CNBD1: variants seen among roughly 807,000 people sequenced by gnomAD.
CNBD1 encodes the protein cyclic nucleotide-binding domain-containing protein 1.
CNBD1 carries 71 observed loss-of-function variants against 54.4 expected under a neutral mutation model. The ratio of observed to expected loss-of-function variants is 1.30; its 90% CI spans 1.08 to 1.59. The LOEUF (loss-of-function observed/expected upper bound fraction) is 1.59. CNBD1 is among the 40% of genes most tolerant of loss of function. CNBD1 has a pLI of 0.00. For synonymous variants in CNBD1, 182 were observed against 170.7 expected, an observed-to-expected ratio of 1.07 and a Z score of -0.51; for missense variants, 659 against 518.0, an observed-to-expected ratio of 1.27 and a Z score of -2.64.
intron 8 of CNBD1, among the ~76,000 whole-genome samples, chr8:87,307,048 T>C (rs889986411): frequency 2.0e-5 from 3 of 152,036 alleles, no homozygotes; most frequent in Non-Finnish European, 4.4e-5. Context: ...ATCGTAAAAA[T>C]TTGTTTTGTT....
chr8:87,297,257 TTAC>T (rs1808895490), intron 8 of CNBD1, among the ~76,000 whole-genome samples: 1 of 151,306 alleles, frequency 6.6e-6, no homozygotes, highest in South Asian at 2.1e-4. Context: ...AACATAAAAA[TTAC>T]TAATTAGACA....
At chr8:87,342,905 G>A (rs765033880) in intron 8 of CNBD1, among the ~76,000 whole-genome samples, 4 of 152,108 alleles carry the variant, frequency 2.6e-5, no homozygotes, top group East Asian at 3.9e-4. Flanking sequence ...GCAGAGAACC[G>A]GTCTGACTAG....
intron 10 of CNBD1, among the ~76,000 whole-genome samples, chr8:87,377,919 T>C (rs1190749886): frequency 4.7e-5 from 7 of 150,014 alleles, no homozygotes; most frequent in Non-Finnish European, 1.0e-4. Flanking sequence ...ATGAGCATTT[T>C]TTCATGTGTT....
intron 8 of CNBD1, among the ~76,000 whole-genome samples, chr8:87,327,797 C>T (rs942588886): frequency 1.3e-5 from 2 of 152,186 alleles, no homozygotes; most frequent in African/African-American, 4.8e-5. Context: ...TAGACCGGAG[C>T]TGTTCCTATT....
rs370774227 is a variant in CNBD1 at position 87,425,805 on chromosome 8, T to C, written c.214-2741T>C. Among the ~76,000 whole-genome samples the C allele has an allele frequency of 1.6e-3, 244 of 152,196 alleles. 3 individuals carry two copies. The highest frequency in any genetic ancestry group is 0.015 in the East Asian group (78 of 5,166). ...GTGCCCTGCCCCCAGAGGTGGAGCC[T>C]ACAGAGGCAGGCAGGCCTCCTTGAG... On this transcript the variant is annotated intron_variant, in intron 2 of 7. Coordinates refer to the CNBD1 transcript ENST00000521593.
chr8:87,425,742 T>C (rs1808034549), intron 2 of CNBD1, among the ~76,000 whole-genome samples: 1 of 152,022 alleles, frequency 6.6e-6, no homozygotes, highest in Non-Finnish European at 1.5e-5. Flanking sequence ...CAGGGACATT[T>C]AAGTCTGCAG....
chr8:87,130,656 T>C (rs969699675), intron 4 of CNBD1, among the ~76,000 whole-genome samples: 9 of 151,842 alleles, frequency 5.9e-5, no homozygotes, highest in African/African-American at 1.9e-4. Context: ...TAGGCACCTG[T>C]TTCCCAGCTA....
intron 2 of CNBD1, among the ~76,000 whole-genome samples, chr8:86,891,489 C>G (rs4305917): frequency 0.51 from 77,596 of 151,804 alleles, 20,008 homozygotes; most frequent in South Asian, 0.58. Flanking sequence ...ATTATACTAG[C>G]TGTATAATAT....
Position 87,053,632 on chromosome 8 carries a change from C to T in CNBD1, c.431+113878C>T, listed in dbSNP as rs73693006. 3.9e-3 allele frequency among the ~76,000 whole-genome samples: 595 copies of T among 152,188 alleles called. 7 individuals carry two copies. The highest frequency in any genetic ancestry group is 0.014 in the African/African-American group (566 of 41,520). On this transcript the variant is annotated intron_variant, in intron 4 of 10. Coordinates refer to ENST00000518476, the MANE Select transcript of CNBD1 (RefSeq NM_173538.3). ...AAGTGTGACCTTTTTTTCATGGATC[C>T]CGAGGAGCTAGTTAGCAGGAATAGT...
At chr8:87,228,799 C>T (rs1239042388) in intron 5 of CNBD1, among the ~76,000 whole-genome samples, 2 of 152,152 alleles carry the variant, frequency 1.3e-5, no homozygotes, top group East Asian at 3.9e-4. Context: ...GTGTTGTTTA[C>T]CTAATCAAGC....
intron 8 of CNBD1, among the ~76,000 whole-genome samples, chr8:87,324,434 G>A (rs1456355512): frequency 7.2e-6 from 1 of 139,804 alleles, no homozygotes; most frequent in African/African-American, 2.6e-5. Flanking sequence ...ATCTGGTCCT[G>A]GGCTCTTTTT....
At chr8:86,904,081 G>A (rs1445270145) in intron 2 of CNBD1, among the ~76,000 whole-genome samples, 6 of 151,914 alleles carry the variant, frequency 3.9e-5, no homozygotes, top group African/African-American at 1.4e-4. Context: ...TCAATATGGT[G>A]TTTTAGGAAC....
At chr8:87,302,635 G>T (rs1809033166) in intron 8 of CNBD1, among the ~76,000 whole-genome samples, 1 of 151,828 alleles carries the variant, frequency 6.6e-6, no homozygotes, top group Non-Finnish European at 1.5e-5. Flanking sequence ...GTTCTGGCCA[G>T]GGCAATCAGG....
chr8:87,326,420 C>A lies in CNBD1; in HGVS notation c.1043-25265C>A, dbSNP rs1246348255. Among the ~76,000 whole-genome samples the A allele has an allele frequency of 9.5e-5, 12 of 125,958 alleles. 4 individuals carry two copies. Among genetic ancestry groups the A allele is most frequent in the African/African-American group, 3.2e-4 (11 of 34,612 alleles). 82.6% of individuals were successfully genotyped at this position (125,958 alleles called of 152,430 possible). On this transcript the variant is annotated intron_variant, in intron 8 of 10. Coordinates refer to ENST00000518476, the MANE Select transcript of CNBD1 (RefSeq NM_173538.3). ...GTGTTTTCCAACTTGGTTCCATTCTCCCCATCACTTTCAGGTACACCAATC... is the reference window on the plus strand; with the variant it reads ...GTGTTTTCCAACTTGGTTCCATTCTACCCATCACTTTCAGGTACACCAATC...
At chr8:87,383,825 C>T (rs1563580420), downstream of CNBD1, among the ~76,000 whole-genome samples, 2 of 152,058 alleles carry the variant, frequency 1.3e-5, no homozygotes, top group Admixed American at 6.6e-5. Context: ...ACTTCTCCAG[C>T]ACCATGCTCC....
intron 4 of CNBD1, among the ~76,000 whole-genome samples, chr8:86,950,330 A>C (rs1807586217): frequency 6.6e-6 from 1 of 151,998 alleles, no homozygotes; most frequent in African/African-American, 2.4e-5. Flanking sequence ...AGCCTCCCAA[A>C]GTGCTGGAAT....
At chr8:87,422,635 C>A (rs1372485877) in intron 2 of CNBD1, among the ~76,000 whole-genome samples, 1 of 152,056 alleles carries the variant, frequency 6.6e-6, no homozygotes, top group African/African-American at 2.4e-5. Context: ...TGATCTATAG[C>A]TCTGTTTAGG....
intron 4 of CNBD1, among the ~76,000 whole-genome samples, chr8:87,194,096 A>G (rs1813665014): frequency 6.6e-6 from 1 of 152,174 alleles, no homozygotes; most frequent in African/African-American, 2.4e-5. Flanking sequence ...TGCTTACATA[A>G]GGGATCTAGG....
At chr8:87,307,343 T>A (rs1809177379) in intron 8 of CNBD1, among the ~76,000 whole-genome samples, 1 of 152,214 alleles carries the variant, frequency 6.6e-6, no homozygotes, top group African/African-American at 2.4e-5. Context: ...AGGTATTTAA[T>A]GGGACATAGG....
Sources: allele counts gnomAD v4.1 joint callset (sites outside exome capture counted in the v4.1 genomes callset), GRCh38; gene constraint gnomAD v4.1.1; transcripts MANE v1.5; gene names NCBI Gene and HGNC (gene_info 2026-07-23, HGNC 2026-07-21).